Variants in RBFOX3 observed in about 807,000 individuals in gnomAD.
RBFOX3 encodes RNA binding protein fox-1 homolog 3.
RBFOX3 carries 17 observed loss-of-function variants against 48.7 expected under a neutral mutation model. The ratio of observed to expected loss-of-function variants is 0.35; its 90% CI spans 0.24 to 0.52. RBFOX3 has a LOEUF of 0.52. Among genes scored for constraint, RBFOX3 ranks in the 20% least tolerant of loss-of-function variants. The pLI is 0.94. For missense variants in RBFOX3, 382 were observed against 497.5 expected (o/e 0.77, Z 2.21); for synonymous variants, 212 against 209.5 (o/e 1.01, Z -0.10).
At chr17:79,260,669 G>T (rs1207298087) in intron 3 of RBFOX3, among the ~76,000 whole-genome samples, 1 of 152,190 alleles carries the variant, frequency 6.6e-6, no homozygotes, top group East Asian at 1.9e-4. Context: ...TGAGGACACA[G>T]CCAAGCTGCA....
chr17:79,589,063 C>T (rs1244247796), intron 1 of RBFOX3, among the ~76,000 whole-genome samples: 4 of 152,104 alleles, frequency 2.6e-5, no homozygotes, highest in South Asian at 2.1e-4. Flanking sequence ...AGTGAGACCC[C>T]GTCCTGAGCT....
chr17:79,531,206 C>T (rs1441149375), intron 1 of RBFOX3, among the ~76,000 whole-genome samples: 1 of 152,358 alleles, frequency 6.6e-6, no homozygotes, highest in South Asian at 2.1e-4. Flanking sequence ...TTCTCAGTCC[C>T]CACAGACTGT....
At chr17:79,224,708 C>T (rs1307246109) in intron 4 of RBFOX3, among the ~76,000 whole-genome samples, 4 of 152,222 alleles carry the variant, frequency 2.6e-5, no homozygotes, top group African/African-American at 9.6e-5. Flanking sequence ...TTGGTTTACA[C>T]TGTAATTATT....
At chr17:79,221,722 C>T (rs1233279522) in intron 4 of RBFOX3, among the ~76,000 whole-genome samples, 1 of 152,126 alleles carries the variant, frequency 6.6e-6, no homozygotes, top group African/African-American at 2.4e-5. Context: ...AAGGAGGGCT[C>T]GCTGGGAAGG....
chr17:79,356,367 T>TTTTTTTTTTTGTTTTTG (rs1568101061), intron 2 of RBFOX3, among the ~76,000 whole-genome samples: 6 of 76,994 alleles, frequency 7.8e-5, no homozygotes, highest in African/African-American at 1.4e-4. Context: ...TTTTTTTTTT[T>TTTTTTTTTTTGTTTTTG]TTTTTTTTTT....
At chr17:79,395,320 A>T (rs1568174531) in intron 2 of RBFOX3, among the ~76,000 whole-genome samples, 1 of 152,220 alleles carries the variant, frequency 6.6e-6, no homozygotes, top group Non-Finnish European at 1.5e-5. Context: ...GGGATGGGGC[A>T]TTCCACACCT....
chr17:79,502,077 G>A (rs2082450556), intron 1 of RBFOX3, among the ~76,000 whole-genome samples: 1 of 152,180 alleles, frequency 6.6e-6, no homozygotes, highest in Non-Finnish European at 1.5e-5. Context: ...CACTAAGCAG[G>A]TCCCACTGAG....
At chr17:79,095,711 T>G (rs2075093571) in intron 12 of RBFOX3, 137 bp from the exon 13 acceptor site, 1 of 726,918 alleles carries the variant, frequency 1.4e-6, no homozygotes, top group Non-Finnish European at 2.3e-6. Context: ...CCTCCCAGCC[T>G]CGGCTGGGTA....
intron 1 of RBFOX3, among the ~76,000 whole-genome samples, chr17:79,528,952 A>G (rs1046517806): frequency 9.2e-5 from 14 of 152,162 alleles, no homozygotes; most frequent in Non-Finnish European, 1.9e-4. Flanking sequence ...GCCTCAGGGT[A>G]TGTGCTCAAA....
At chr17:79,665,066 C>T in the RBFOX3 span, among the ~76,000 whole-genome samples, 3 of 152,104 alleles carry the variant, frequency 2.0e-5, no homozygotes, top group Admixed American at 2.0e-4. Context: ...ACTCCTTGAT[C>T]CGGCATTCAG....
intron 3 of RBFOX3, among the ~76,000 whole-genome samples, chr17:79,301,791 T>C (rs758453429): frequency 2.6e-5 from 4 of 152,204 alleles, no homozygotes; most frequent in Non-Finnish European, 5.9e-5. Flanking sequence ...AAGGAACTCC[T>C]GACACAGGCC....
intron 1 of RBFOX3, among the ~76,000 whole-genome samples, chr17:79,512,940 G>A (rs1207199776): frequency 0.28 from 27,260 of 97,730 alleles, 6,474 homozygotes; most frequent in East Asian, 0.6. Context: ...TGTTACCATC[G>A]GGTACAGCCC....
intron 3 of RBFOX3, among the ~76,000 whole-genome samples, chr17:79,251,008 C>G (rs2063867272): frequency 6.6e-6 from 1 of 152,020 alleles, no homozygotes; most frequent in Admixed American, 6.5e-5. Context: ...GGGGTTTCAC[C>G]ATGTTGGCCC....
intron 1 of RBFOX3, among the ~76,000 whole-genome samples, chr17:79,542,138 A>G (rs1479592581): frequency 6.6e-6 from 1 of 151,946 alleles, no homozygotes; most frequent in Non-Finnish European, 1.5e-5. Context: ...TGACAAAATA[A>G]TAGATTCCTT....
intron 3 of RBFOX3, among the ~76,000 whole-genome samples, chr17:79,246,984 A>G (rs1041257974): frequency 6.6e-6 from 1 of 152,212 alleles, no homozygotes; most frequent in African/African-American, 2.4e-5. Context: ...GCGTTTCATT[A>G]TCAACAATTT....
chr17:79,329,641 C>T (rs12600765), intron 2 of RBFOX3, among the ~76,000 whole-genome samples: 22,313 of 152,096 alleles, frequency 0.15, 1,808 homozygotes, highest in East Asian at 0.35. Flanking sequence ...ATGTCTCTCA[C>T]CTGCAAAGTC....
At chr17:79,185,330 G>A (rs771613580) in intron 4 of RBFOX3, among the ~76,000 whole-genome samples, 7 of 152,224 alleles carry the variant, frequency 4.6e-5, no homozygotes, top group Non-Finnish European at 1.0e-4. Flanking sequence ...CCTCCCTGCT[G>A]TCAGTAACTT....
intron 4 of RBFOX3, among the ~76,000 whole-genome samples, chr17:79,209,433 T>C (rs1209781210): frequency 1.3e-5 from 2 of 152,178 alleles, no homozygotes; most frequent in Non-Finnish European, 2.9e-5. Flanking sequence ...GACACACCCA[T>C]TGAACCAAAC....
chr17:79,527,485 G>A (rs1461865413), intron 1 of RBFOX3, among the ~76,000 whole-genome samples: 1 of 152,220 alleles, frequency 6.6e-6, no homozygotes. Context: ...TGGGCTTTGT[G>A]CCCTCTCCTG....
Sources: allele counts gnomAD v4.1 joint callset (sites outside exome capture counted in the v4.1 genomes callset), GRCh38; gene constraint gnomAD v4.1.1; transcripts MANE v1.5; gene names NCBI Gene and HGNC (gene_info 2026-07-23, HGNC 2026-07-21).